The following OXR1 variants were observed in gnomAD, a reference collection of about 807,000 sequenced individuals.
OXR1 encodes the protein oxidation resistance 1.
OXR1 carries 41 observed loss-of-function variants against 104.6 expected under a neutral mutation model. The ratio of observed to expected loss-of-function variants is 0.39; its 90% confidence interval spans 0.31 to 0.51. The LOEUF (loss-of-function observed/expected upper bound fraction) is 0.51. Among genes scored for constraint, OXR1 ranks in the 20% least tolerant of loss-of-function variants. OXR1 has a pLI of 0.77. For missense variants in OXR1, 955 were observed against 1,031.9 expected, an observed-to-expected ratio of 0.93 and a Z score of 1.02; for synonymous variants, 348 against 348.4, an observed-to-expected ratio of 1.00 and a Z score of 0.01.
In OXR1 at chr8:106,415,998, C is replaced by A. The variant is rs556288932; in HGVS notation, c.23+56362C>A. On this transcript the variant is annotated intron_variant, in intron 2 of 16. Coordinates refer to ENST00000517566, the MANE Select transcript of OXR1 (RefSeq NM_001198533.2). ...TCTTGAGAATATCCTAAGTATTTTGCCAGGTAAACAGAACAGAGTCCCTCT... is the reference window on the plus strand; with the variant it reads ...TCTTGAGAATATCCTAAGTATTTTGACAGGTAAACAGAACAGAGTCCCTCT... Among the ~76,000 whole-genome samples, 14 of 152,116 alleles carry A rather than the reference C, an allele frequency of 9.2e-5. No individual in the cohort carries two copies. In the East Asian group the frequency reaches 2.7e-3, roughly 29 times the overall value.
chr8:106,423,425 T>A (rs1456130022), intron 2 of OXR1, among the ~76,000 whole-genome samples: 2 of 152,152 alleles, frequency 1.3e-5, no homozygotes, highest in African/African-American at 4.8e-5. Flanking sequence ...CTGGGGTTCA[T>A]TTAAGGAGCG....
At chr8:106,727,767 T>C (rs138019654) in intron 11 of OXR1, among the ~76,000 whole-genome samples, 68 of 152,288 alleles carry the variant, frequency 4.5e-4, no homozygotes, top group African/African-American at 1.6e-3. Flanking sequence ...TCAGATACTT[T>C]ATTTCATGCC....
intron 1 of OXR1, among the ~76,000 whole-genome samples, chr8:106,320,338 C>G (rs1814163253): frequency 6.6e-6 from 1 of 152,164 alleles, no homozygotes; most frequent in African/African-American, 2.4e-5. Flanking sequence ...ACTTAGGTTT[C>G]TCCAAGTATT....
chr8:106,349,093 G>A (rs1815615936), intron 1 of OXR1, among the ~76,000 whole-genome samples: 1 of 152,080 alleles, frequency 6.6e-6, no homozygotes, highest in Admixed American at 6.6e-5. Flanking sequence ...TCAGTGGAGA[G>A]GATTCAAGTA....
intron 11 of OXR1, among the ~76,000 whole-genome samples, chr8:106,721,630 A>G (rs909876824): frequency 4.6e-5 from 7 of 152,148 alleles, no homozygotes; most frequent in Non-Finnish European, 7.4e-5. Flanking sequence ...CATTAGTCAC[A>G]TTTTCTCAAT....
chr8:106,438,650 G>A (rs1207116206), intron 2 of OXR1, among the ~76,000 whole-genome samples: 1 of 152,050 alleles, frequency 6.6e-6, no homozygotes, highest in Non-Finnish European at 1.5e-5. Context: ...AAGTAGTGCT[G>A]TTCTCACAGA....
In OXR1 at chr8:106,568,331, C is replaced by T. The variant is rs529276454; in HGVS notation, c.220+49192C>T. On this transcript the variant is annotated intron_variant, in intron 3 of 16. Coordinates refer to ENST00000517566, the MANE Select transcript of OXR1 (RefSeq NM_001198533.2). ...TTAAAGTTCCAATACTGATTCTTCA[C>T]TTATCAAGTCCTCAATAAGCTGTAT... 5.9e-5 allele frequency among the ~76,000 whole-genome samples: 9 copies of T among 152,238 alleles called. No individual in the cohort carries two copies. In the South Asian group the frequency reaches 1.9e-3, roughly 32 times the overall value.
chr8:106,299,221 C>T (rs1322128621), intron 1 of OXR1, among the ~76,000 whole-genome samples: 2 of 151,768 alleles, frequency 1.3e-5, no homozygotes, highest in African/African-American at 4.8e-5. Context: ...GTAATACTAC[C>T]TATCTTTTAA....
At chr8:106,683,901 G>A (rs1828434131) in intron 5 of OXR1, among the ~76,000 whole-genome samples, 1 of 152,136 alleles carries the variant, frequency 6.6e-6, no homozygotes, top group Non-Finnish European at 1.5e-5. Context: ...TTCTTTAAAT[G>A]TAAGTATTTC....
intron 3 of OXR1, among the ~76,000 whole-genome samples, chr8:106,598,629 G>T (rs1186447146): frequency 6.6e-6 from 1 of 152,188 alleles, no homozygotes; most frequent in Non-Finnish European, 1.5e-5. Context: ...AAGCTGTATA[G>T]TAATTCTAAC....
At chr8:106,682,273 T>C (rs1423286228) in intron 4 of OXR1, among the ~76,000 whole-genome samples, 2 of 146,486 alleles carry the variant, frequency 1.4e-5, no homozygotes, top group South Asian at 4.4e-4. Flanking sequence ...CTCTTTTTTT[T>C]TTTTTTTTTT....
intron 2 of OXR1, among the ~76,000 whole-genome samples, chr8:106,400,040 T>A (rs779106136): frequency 6.6e-6 from 1 of 152,152 alleles, no homozygotes; most frequent in South Asian, 2.1e-4. Flanking sequence ...CCTAACTTAT[T>A]TTCATTTTTT....
At chr8:106,653,085 T>A (rs13253085) in intron 3 of OXR1, among the ~76,000 whole-genome samples, 6,117 of 120,982 alleles carry the variant, frequency 0.051, 144 homozygotes, top group Non-Finnish European at 0.068. Context: ...AAAAAAAAAA[T>A]ATATATATAT....
chr8:106,648,540 T>G (rs1368445612), intron 3 of OXR1, among the ~76,000 whole-genome samples: 1 of 152,224 alleles, frequency 6.6e-6, no homozygotes, highest in East Asian at 1.9e-4. Context: ...ATTGTCTTAC[T>G]TGAAAGTTTT....
intron 1 of OXR1, among the ~76,000 whole-genome samples, chr8:106,352,408 G>A (rs1403932131): frequency 6.6e-6 from 1 of 152,164 alleles, no homozygotes; most frequent in South Asian, 2.1e-4. Flanking sequence ...TTCTATGAAA[G>A]GGAGCTTACC....
At chr8:106,272,932 G>A (rs901024883) in intron 1 of OXR1, 2 of 152,074 alleles carry the variant, frequency 1.3e-5, no homozygotes, top group African/African-American at 2.4e-5. Flanking sequence ...TGGGGGTCAC[G>A]GAAGAGGGAA....
intron 1 of OXR1, among the ~76,000 whole-genome samples, chr8:106,312,606 C>A (rs916331345): frequency 6.6e-6 from 1 of 152,180 alleles, no homozygotes; most frequent in African/African-American, 2.4e-5. Context: ...TACTCAGGCT[C>A]CCTCACTTAT....
At chr8:106,516,916 A>G (rs1812899663) in intron 2 of OXR1, among the ~76,000 whole-genome samples, 1 of 152,208 alleles carries the variant, frequency 6.6e-6, no homozygotes, top group African/African-American at 2.4e-5. Context: ...CATGCATTGA[A>G]AAAAACATGG....
chr8:106,563,144 G>T, intron 3 of OXR1, among the ~76,000 whole-genome samples: 1 of 152,006 alleles, frequency 6.6e-6, no homozygotes, highest in East Asian at 1.9e-4. Flanking sequence ...ATGTTAACGG[G>T]CCAAATGTCT....
Sources: allele counts gnomAD v4.1 joint callset (sites outside exome capture counted in the v4.1 genomes callset), GRCh38; gene constraint gnomAD v4.1.1; transcripts MANE v1.5; gene names NCBI Gene and HGNC (gene_info 2026-07-23, HGNC 2026-07-21).